Variants in TPR observed in about 807,000 individuals in gnomAD.
TPR encodes the protein nucleoprotein TPR.
TPR carries 51 observed loss-of-function variants against 316.1 expected under a neutral mutation model. That is an observed-to-expected ratio of 0.16 (90% CI 0.13 to 0.20). The LOEUF (loss-of-function observed/expected upper bound fraction) is 0.20, where lower values mean the gene tolerates loss of function less well. Ranked by LOEUF, TPR falls within the 10% of genes least tolerant of loss-of-function variation. TPR has a pLI of 1.00. For synonymous variants in TPR, 981 were observed against 914.7 expected (o/e 1.07, Z -1.31); for missense variants, 2,272 against 2,754.8 (o/e 0.82, Z 3.92).
intron 31 of TPR, 107 bp from the exon 32 acceptor site, chr1:186,337,263 C>T: frequency 1.5e-6 from 2 of 1,344,570 alleles, no homozygotes; most frequent in Non-Finnish European, 9.9e-7. Context: ...AAATTTTATC[C>T]CTGAAGGTAT....
chr1:186,352,346 C>T (rs138582906), intron 18 of TPR, among the ~76,000 whole-genome samples: 114 of 152,128 alleles, frequency 7.5e-4, no homozygotes, highest in Admixed American at 1.0e-3. Flanking sequence ...TGGTTCCTTG[C>T]TCTAACAATC....
Position 186,370,990 on chromosome 1 carries a change from C to G in TPR, c.310G>C (p.Asp104His). ...EKNKELEIAQ[D>H]RNIAIQSQFT... The stretch of plus-strand genomic sequence containing the variant: ...CTTACCTGAATGGCAATATTGCGAT[C>G]CTGAGCAATTTCAAGTTCTTTGTTT... Residue 104 changes from aspartate to histidine, a missense_variant, in exon 3 of 51, where the codon GAT (aspartate) becomes CAT (histidine). Transcript: ENST00000367478. 6.2e-7 allele frequency: 1 copy of G among 1,612,834 alleles called. No homozygotes were observed. The highest frequency in any genetic ancestry group is 8.5e-7 in the Non-Finnish European group (1 of 1,179,420).
chr1:186,335,417 C>G lies in TPR; in HGVS notation c.4832G>C (p.Ser1611Thr). ...ALKSQYEGRI[S>T]RLERELREHQ... ...CTCCCTGAGTTCTCTTTCCAAGCGA[C>G]TAATTCGACCTTCATATTGGGACTT... The change falls in exon 34 of 51, where the codon AGT becomes ACT. Residue 1611 changes from serine to threonine, a missense_variant. By Grantham distance (58) the Ser-to-Thr change is moderately conservative. Transcript: ENST00000367478. 1 of 1,613,832 alleles carries G rather than the reference C, an allele frequency of 6.2e-7. No homozygotes were observed. Among genetic ancestry groups the G allele is most frequent in the Non-Finnish European group, 8.5e-7 (1 of 1,179,786 alleles).
chr1:186,362,842 CT>C lies in TPR; in HGVS notation c.690del (p.Glu231LysfsTer10). ...LELKCNLENKKEEVSRLEEQM... is the reference protein window; with the variant it reads ...LELKCNLENKXEEVSRLEEQM... ...ACACAATTTTACTAACTTACCTCTT[CT>C]TTTTTATTTTCAAGATTACATTTAA... On this transcript the variant is annotated frameshift_variant, in exon 6 of 51. Transcript: ENST00000367478. LOFTEE classifies it high-confidence loss of function. 6.3e-7 allele frequency: 1 copy of C among 1,582,564 alleles called. No individual in the cohort carries two copies.
chr1:186,326,465 C>A (rs979553220), intron 40 of TPR, among the ~76,000 whole-genome samples: 4 of 151,988 alleles, frequency 2.6e-5, no homozygotes, highest in Non-Finnish European at 4.4e-5. Context: ...CATGAGATTG[C>A]TCAAAGATAA....
At chr1:186,314,299 TA>T (rs1248008637) in intron 50 of TPR, 4 of 399,836 alleles carry the variant, frequency 1.0e-5, no homozygotes, top group East Asian at 4.3e-5. Flanking sequence ...TCGTGTTGTA[TA>T]AAAAAATTAA....
chr1:186,368,266 C>T (rs1659405477), intron 3 of TPR, among the ~76,000 whole-genome samples: 1 of 152,096 alleles, frequency 6.6e-6, no homozygotes, highest in Non-Finnish European at 1.5e-5. Context: ...CACCTTAGTT[C>T]AAATTATTTT....
At chr1:186,323,998 T>C in intron 42 of TPR, 128 bp from the exon 43 acceptor site, 1 of 920,378 alleles carries the variant, frequency 1.1e-6, no homozygotes, top group South Asian at 1.9e-5. Flanking sequence ...AGTAAAGTAG[T>C]GAGGTGTGAT....
At chr1:186,336,175 T>G (rs1276322561) in intron 33 of TPR, among the ~76,000 whole-genome samples, 1 of 152,102 alleles carries the variant, frequency 6.6e-6, no homozygotes, top group East Asian at 1.9e-4. Flanking sequence ...ACATAAGGTT[T>G]CTAGACAGCA....
chr1:186,355,282 G>A (rs945363574), intron 17 of TPR, 128 bp downstream of exon 17: 6 of 945,842 alleles, frequency 6.3e-6, no homozygotes. Context: ...AACTACCAGA[G>A]GTTCTCATTC....
chr1:186,316,568 GTACTGTATA>G (rs1224645791), intron 49 of TPR, among the ~76,000 whole-genome samples: 1 of 152,172 alleles, frequency 6.6e-6, no homozygotes, highest in Non-Finnish European at 1.5e-5. Flanking sequence ...GAATGACCAA[GTACTGTATA>G]TCCTTAATAG....
chr1:186,346,357 A>T (rs2101969955), intron 22 of TPR, 70 bp from the exon 23 acceptor site: 1 of 1,403,500 alleles, frequency 7.1e-7, no homozygotes, highest in South Asian at 1.5e-5. Flanking sequence ...ATTTTCTCCA[A>T]ATCAAAACTA....
At position 186,370,594 on chromosome 1, in the gene TPR, T is replaced by C. The variant is rs1659491715; in HGVS notation, c.330+376A>G. On this transcript the variant is annotated intron_variant, in intron 3 of 50. Transcript: ENST00000367478. ...TGTATCTGGTTAAAAAATAATTGCA[T>C]GCAACCACTTTAATTAACAAATTTG... 1.3e-5 allele frequency among the ~76,000 whole-genome samples: 2 copies of C among 152,104 alleles called. 1 individual carries two copies. Among genetic ancestry groups the C allele is most frequent in the Admixed American group, 1.3e-4 (2 of 15,274 alleles).
At chr1:186,339,503 G>T in intron 30 of TPR, 139 bp downstream of exon 30, 1 of 541,358 alleles carries the variant, frequency 1.8e-6, no homozygotes, top group Non-Finnish European at 2.9e-6. Flanking sequence ...ACTCTACAAA[G>T]TAGATGGAAG....
At chr1:186,366,062 T>C (rs1315190223) in intron 4 of TPR, among the ~76,000 whole-genome samples, 2 of 152,224 alleles carry the variant, frequency 1.3e-5, no homozygotes, top group African/African-American at 4.8e-5. Context: ...GATCCTTCTC[T>C]TACATGGGCA....
intron 46 of TPR, 81 bp from the exon 47 acceptor site, chr1:186,318,909 TTAA>T: frequency 8.3e-6 from 11 of 1,326,866 alleles, no homozygotes; most frequent in Non-Finnish European, 1.2e-5. Flanking sequence ...AAGAAAAATA[TTAA>T]TTATTGGAGA....
intron 49 of TPR, 152 bp downstream of exon 49, chr1:186,317,330 C>A: frequency 3.1e-6 from 2 of 646,166 alleles, no homozygotes; most frequent in South Asian, 1.9e-5. Flanking sequence ...TCAATATAAA[C>A]CAAGTTCCTT....
chr1:186,322,603 A>G lies in TPR; in HGVS notation c.6298-17T>C. On this transcript the variant is annotated splice_polypyrimidine_tract_variant and intron_variant, in intron 43 of 50. Coordinates refer to ENST00000367478, the MANE Select transcript of TPR (RefSeq NM_003292.3). ...CTGAATTCTCTGCGTGTCAAGATAA[A>G]GGAATTACATTTGCTTTAAGAAATG... The G allele has an allele frequency of 6.2e-7, 1 of 1,613,776 alleles. No individual in the cohort carries two copies. The highest frequency in any genetic ancestry group is 1.1e-5 in the South Asian group (1 of 91,052).
At chr1:186,372,061 C>G (rs1659546173) in intron 2 of TPR, among the ~76,000 whole-genome samples, 1 of 152,148 alleles carries the variant, frequency 6.6e-6, no homozygotes, top group Non-Finnish European at 1.5e-5. Flanking sequence ...GCTATATATG[C>G]TCCATCACAC....
Sources: gnomAD v4.1 joint callset for allele counts (sites outside exome capture counted in the v4.1 genomes callset) on GRCh38, gnomAD v4.1.1 for gene constraint, MANE v1.5 for transcripts, NCBI Gene and HGNC (gene_info 2026-07-23, HGNC 2026-07-21) for gene names.